Variants in MTMR12 observed in about 807,000 individuals in gnomAD.
MTMR12 encodes the protein myotubularin related protein 12, also known as myotubularin-related protein 12.
MTMR12 carries 33 observed loss-of-function variants against 96.7 expected under a neutral mutation model. The ratio of observed to expected loss-of-function variants is 0.34; its 90% confidence interval spans 0.26 to 0.46. MTMR12 has a LOEUF of 0.46. Among genes scored for constraint, MTMR12 ranks in the 20% least tolerant of loss-of-function variants. The probability of loss-of-function intolerance (pLI) is 1.00; values close to 1 mark genes in which losing one functional copy is unlikely to be tolerated. For synonymous variants in MTMR12, 298 were observed against 327.2 expected (o/e 0.91, Z 0.96); for missense variants, 721 against 896.1 (o/e 0.80, Z 2.49).
At chr5:32,266,769 A>G (rs1209057097) in intron 6 of MTMR12, among the ~76,000 whole-genome samples, 1 of 151,132 alleles carries the variant, frequency 6.6e-6, no homozygotes, top group African/African-American at 2.4e-5. Context: ...ATCACTAAAC[A>G]TCAGCTTCAT....
chr5:32,264,416 G>A (rs537036450), intron 6 of MTMR12, among the ~76,000 whole-genome samples: 1 of 151,706 alleles, frequency 6.6e-6, no homozygotes, highest in African/African-American at 2.4e-5. Flanking sequence ...TGATAATAGT[G>A]CTTATATAGC....
rs946193295 is a variant in MTMR12, at chr5:32,255,399, G to T, written c.789+294C>A. 3.3e-5 allele frequency among the ~76,000 whole-genome samples: 5 copies of T among 152,292 alleles called. No individual in the cohort carries two copies. In the East Asian group the frequency reaches 9.6e-4, roughly 29 times the overall value. The stretch of plus-strand genomic sequence containing the variant: ...CTACCCTTGGCGTGCTTTGGCTCAG[G>T]TTCAAAATGACTTAGTGTTAAACCG... On this transcript the variant is annotated intron_variant, in intron 8 of 15. Transcript: ENST00000382142.
Position 32,233,878 on chromosome 5 carries a change from A to G in MTMR12, c.1569T>C (p.Asp523=). 1.2e-6 allele frequency: 2 copies of G among 1,614,166 alleles called. No homozygotes were observed. The highest frequency in any genetic ancestry group is 1.1e-5 in the South Asian group (1 of 91,082). The part of the protein sequence containing the change: ...SKPLNLLTVW[D]WSVQFEPKAQ... The stretch of plus-strand genomic sequence containing the variant: ...CTTTGGGTTCAAACTGCACCGACCA[A>G]TCCCACACGGTGAGCAGATTCAAAG... Residue 523 remains aspartate, a synonymous_variant, in exon 15 of 16, where the codon GAT becomes GAC. Coordinates refer to ENST00000382142, the MANE Select transcript of MTMR12 (RefSeq NM_001040446.3). This position sits in a 1 kb window ranked among gnomAD's most constrained non-coding sequence, Gnocchi z 5.0.
chr5:32,306,298 T>C (rs191039802), intron 1 of MTMR12, among the ~76,000 whole-genome samples: 1 of 152,152 alleles, frequency 6.6e-6, no homozygotes, highest in Admixed American at 6.6e-5. Flanking sequence ...AAAAGATGGG[T>C]AATAATAGTA....
At chr5:32,304,096 C>T (rs796181620) in intron 1 of MTMR12, among the ~76,000 whole-genome samples, 20 of 152,128 alleles carry the variant, frequency 1.3e-4, no homozygotes, top group African/African-American at 4.3e-4. Context: ...CCGAGGCGGG[C>T]GGATCACAAG....
intron 1 of MTMR12, among the ~76,000 whole-genome samples, chr5:32,304,474 T>C (rs139508250): frequency 0.014 from 2,118 of 152,356 alleles, 19 homozygotes; most frequent in Non-Finnish European, 0.024. Flanking sequence ...AACTTTACTA[T>C]ATTGTCTTTA....
intron 1 of MTMR12, among the ~76,000 whole-genome samples, chr5:32,302,191 C>T (rs180995012): frequency 4.0e-4 from 61 of 152,074 alleles, no homozygotes; most frequent in Non-Finnish European, 7.9e-4. Flanking sequence ...GGACAGGGTA[C>T]GAGAGGGAAA....
chr5:32,255,642 G>A (rs1437696789), intron 8 of MTMR12, 51 bp downstream of exon 8: 2 of 1,497,626 alleles, frequency 1.3e-6, no homozygotes, highest in Non-Finnish European at 1.8e-6. Context: ...CATTTTGCCA[G>A]GATAGACCAA....
chr5:32,258,874 G>A (rs1319331891), intron 7 of MTMR12, among the ~76,000 whole-genome samples: 5 of 148,434 alleles, frequency 3.4e-5, no homozygotes, highest in Non-Finnish European at 7.4e-5. Flanking sequence ...TTAGTTCATC[G>A]GTGAGTTTTC....
At chr5:32,278,895 T>C (rs1297928990) in intron 1 of MTMR12, among the ~76,000 whole-genome samples, 2 of 144,774 alleles carry the variant, frequency 1.4e-5, no homozygotes, top group African/African-American at 5.2e-5. Flanking sequence ...CTGACCAACA[T>C]GGAGAAACCC....
Position 32,276,756 on chromosome 5 carries a change from G to C in MTMR12, c.82-14C>G. 1 of 1,607,940 alleles carries C rather than the reference G, an allele frequency of 6.2e-7. No homozygotes were observed. The highest frequency in any genetic ancestry group is 8.5e-7 in the Non-Finnish European group (1 of 1,175,220). ...TGTGTGAATTTCCTAAAAGAGAAGAGCAAAGGATATTTTTCTTTGTTTAAG... is the reference window on the plus strand; with the variant it reads ...TGTGTGAATTTCCTAAAAGAGAAGACCAAAGGATATTTTTCTTTGTTTAAG... On this transcript the variant is annotated splice_polypyrimidine_tract_variant and intron_variant, in intron 1 of 15. Transcript: ENST00000382142.
At chr5:32,246,305 G>A (rs1203487034) in intron 10 of MTMR12, among the ~76,000 whole-genome samples, 3 of 151,828 alleles carry the variant, frequency 2.0e-5, no homozygotes, top group Non-Finnish European at 4.4e-5. Flanking sequence ...TGGGATTACA[G>A]GCACCCACCA....
chr5:32,294,446 G>A (rs1473075278), intron 1 of MTMR12, among the ~76,000 whole-genome samples: 4 of 151,892 alleles, frequency 2.6e-5, no homozygotes, highest in African/African-American at 9.7e-5. Context: ...GGGATTACTG[G>A]TGCCCACCAT....
rs182698987 is a variant in MTMR12, at chr5:32,233,984, G to A, written c.1513-50C>T. ...CTGTTTTCCAGGGAGGGCTGAGGAA[G>A]GCAAACACATACTTCTGGACACAGG... On this transcript the variant is annotated intron_variant, in intron 14 of 15. Transcript: ENST00000382142. This position sits in a 1 kb window ranked among gnomAD's most constrained non-coding sequence, Gnocchi z 5.0. The A allele has an allele frequency of 6.2e-7, 1 of 1,607,344 alleles. No individual in the cohort carries two copies. Among genetic ancestry groups the A allele is most frequent in the East Asian group, 2.2e-5 (1 of 44,802 alleles).
chr5:32,232,146 G>A (rs1055173790), intron 15 of MTMR12, among the ~76,000 whole-genome samples: 2 of 152,132 alleles, frequency 1.3e-5, no homozygotes, highest in Non-Finnish European at 2.9e-5. Flanking sequence ...GGCTGACACC[G>A]AGGCTGCACA....
chr5:32,253,682 G>T (rs1174506822), intron 8 of MTMR12, among the ~76,000 whole-genome samples: 3 of 152,230 alleles, frequency 2.0e-5, no homozygotes, highest in African/African-American at 7.2e-5. Context: ...CAGTGCAGTG[G>T]CACGATCACA....
intron 1 of MTMR12, among the ~76,000 whole-genome samples, chr5:32,284,174 C>T (rs755797124): frequency 1.3e-5 from 2 of 150,626 alleles, no homozygotes; most frequent in African/African-American, 2.4e-5. Flanking sequence ...TTTAATTAGC[C>T]AGGCATGGTG....
At position 32,312,127 on chromosome 5, in the gene MTMR12, A is replaced by G. The variant is rs1222772118; in HGVS notation, c.81+631T>C. Among the ~76,000 whole-genome samples the G allele has an allele frequency of 6.6e-6, 1 of 152,148 alleles. No individual in the cohort carries two copies. Among genetic ancestry groups the G allele is most frequent in the African/African-American group, 2.4e-5 (1 of 41,436 alleles). On this transcript the variant is annotated intron_variant, in intron 1 of 15. Transcript: ENST00000382142. This position sits in a 1 kb window ranked among gnomAD's most constrained non-coding sequence, Gnocchi z 5.0. ...AAATTTCTTGACCTGAAGATTCAGA[A>G]GAGTAAGAAGTGGGTGGAAAGGATG... is the stretch of plus-strand genomic sequence containing the variant.
Position 32,228,516 on chromosome 5 carries a change from A to AAAATAT in MTMR12, c.*1261_*1262insATATTT, listed in dbSNP as rs1554053329. 4 of 108,224 alleles carry AAAATAT rather than the reference A, an allele frequency of 3.7e-5. No individual in the cohort carries two copies. The highest frequency in any genetic ancestry group is 1.3e-4 in the African/African-American group (4 of 31,586). 6.7% of individuals were successfully genotyped at this position (108,224 alleles called of 1,614,324 possible). ...AAGTATACTTTCCTGCATTAAAAAAAATATATATCATATATATGATATATA... is the reference window on the plus strand; with the variant it reads ...AAGTATACTTTCCTGCATTAAAAAAAAAATATATATATATCATATATATGATATATA... On this transcript the variant is annotated 3_prime_UTR_variant, in exon 16 of 16. Coordinates refer to ENST00000382142, the MANE Select transcript of MTMR12 (RefSeq NM_001040446.3).
Sources: allele counts gnomAD v4.1 joint callset (sites outside exome capture counted in the v4.1 genomes callset), GRCh38; gene constraint gnomAD v4.1.1; non-coding constraint Gnocchi (gnomAD v3.1); transcripts MANE v1.5; gene names NCBI Gene and HGNC (gene_info 2026-07-23, HGNC 2026-07-21).